The following SPATS2 variants were observed in gnomAD, a reference collection of about 807,000 sequenced individuals.
SPATS2 encodes the protein spermatogenesis associated serine rich 2.
In SPATS2, 38 loss-of-function variants were observed where a neutral mutation model predicts 63.7. That is an observed-to-expected ratio of 0.60 (90% CI 0.46 to 0.78). SPATS2 has a LOEUF of 0.78. SPATS2 is among the 30% of genes least tolerant of loss of function. The pLI, the probability that SPATS2 is intolerant of heterozygous loss-of-function variation, is 0.00. For missense variants in SPATS2, 588 were observed against 666.2 expected (o/e 0.88, Z 1.29); for synonymous variants, 207 against 232.9 (o/e 0.89, Z 1.01).
chr12:49,389,792 A>G, intron 2 of SPATS2: 2 of 1,138,252 alleles, frequency 1.8e-6, no homozygotes, highest in Non-Finnish European at 1.3e-6. Flanking sequence ...CCCTGGAAGA[A>G]CATCAGTCGG....
Position 49,526,092 on chromosome 12 carries a change from C to T in SPATS2, c.1475C>T (p.Pro492Leu). The change falls in exon 14 of 14, where the codon CCA (proline) becomes CTA (leucine). Residue 492 changes from proline (P) to leucine (L), a missense_variant. Pro to Leu is a moderately conservative substitution (Grantham distance 98). Coordinates refer to ENST00000552918, the MANE Select transcript of SPATS2 (RefSeq NM_023071.4). ...YSSGSRYQSA[P>L]SQAPGNTIER... ...TCTGGTTCCAGGTATCAGAGTGCTC[C>T]ATCTCAGGCACCAGGAAACACCATT... 6.2e-7 allele frequency: 1 copy of T among 1,614,220 alleles called. No homozygotes were observed. The highest frequency in any genetic ancestry group is 8.5e-7 in the Non-Finnish European group (1 of 1,180,042).
chr12:49,523,938 T>G (rs1311401773), intron 12 of SPATS2, among the ~76,000 whole-genome samples: 1 of 150,822 alleles, frequency 6.6e-6, no homozygotes, highest in Non-Finnish European at 1.5e-5. Flanking sequence ...GGTGACAGAG[T>G]GAGACTCCGG....
At chr12:49,471,038 T>C (rs1183637377) in intron 3 of SPATS2, among the ~76,000 whole-genome samples, 2 of 152,202 alleles carry the variant, frequency 1.3e-5, no homozygotes, top group African/African-American at 4.8e-5. Flanking sequence ...TTAAATTCCA[T>C]CTCTGTCACT....
rs372556256 is a variant in SPATS2 at position 49,393,692 on chromosome 12, A to G, written c.-244+22402A>G. On this transcript the variant is annotated intron_variant, in intron 2 of 13. Transcript: ENST00000552918. ...TTCTTATTGATGTTCATATTGTGTC[A>G]TCTTAGTTCAGTGGGAACCCATTTA... Among the ~76,000 whole-genome samples, 5 of 152,272 alleles carry G rather than the reference A, an allele frequency of 3.3e-5. No homozygotes were observed. In the East Asian group the frequency reaches 7.7e-4, roughly 23 times the overall value.
chr12:49,517,114 A>C (rs1946863814), intron 10 of SPATS2, among the ~76,000 whole-genome samples: 1 of 152,116 alleles, frequency 6.6e-6, no homozygotes, highest in South Asian at 2.1e-4. Flanking sequence ...CCATTTTGAG[A>C]GCTATAATTT....
rs145417647 is a variant in SPATS2 at position 49,444,633 on chromosome 12, C to T, written c.-243-16137C>T. ...TTTCTATTTTTTTGAGATGGAGTTT[C>T]GCTCTAGTTGTCCAGGCTGGAGTGC... On this transcript the variant is annotated intron_variant, in intron 2 of 13. Transcript: ENST00000552918. 2.6e-5 allele frequency among the ~76,000 whole-genome samples: 4 copies of T among 151,980 alleles called. 1 individual carries two copies. The highest frequency in any genetic ancestry group is 6.6e-5 in the Admixed American group (1 of 15,224).
Position 49,406,072 on chromosome 12 carries a change from T to C in SPATS2, c.-244+34782T>C, listed in dbSNP as rs372737641. Among the ~76,000 whole-genome samples the C allele has an allele frequency of 5.9e-5, 9 of 152,220 alleles. No individual in the cohort carries two copies. The South Asian group carries it at 1.0e-3, about 18-fold the overall frequency. ...TGAGGTCAGGAGTTCAAGACCAGCC[T>C]GGCCAACATGGTGAAACCCTGTCTA... On this transcript the variant is annotated intron_variant, in intron 2 of 13. Coordinates refer to ENST00000552918, the MANE Select transcript of SPATS2 (RefSeq NM_023071.4).
intron 3 of SPATS2, among the ~76,000 whole-genome samples, chr12:49,482,948 C>T (rs766405832): frequency 1.3e-5 from 2 of 151,598 alleles, no homozygotes; most frequent in African/African-American, 4.9e-5. Context: ...GCCACCATGC[C>T]CAGCTAATTT....
upstream of SPATS2, chr12:49,367,002 C>G (rs1943907493): frequency 6.6e-6 from 1 of 152,276 alleles, no homozygotes; most frequent in Admixed American, 6.5e-5. Context: ...ACCCTCTCCC[C>G]GAGTCTCTTC....
At chr12:49,431,986 C>A (rs1213914809) in intron 2 of SPATS2, among the ~76,000 whole-genome samples, 2 of 151,860 alleles carry the variant, frequency 1.3e-5, no homozygotes, top group South Asian at 2.1e-4. Context: ...AAAACAAGAC[C>A]TTGTCAAAAA....
intron 2 of SPATS2, among the ~76,000 whole-genome samples, chr12:49,388,980 C>T (rs1436634497): frequency 1.3e-5 from 2 of 152,128 alleles, no homozygotes; most frequent in Non-Finnish European, 2.9e-5. Flanking sequence ...AAGTGTGAGC[C>T]ATGGTGACCA....
intron 2 of SPATS2, among the ~76,000 whole-genome samples, chr12:49,372,049 TTTTA>T (rs1366740352): frequency 6.6e-6 from 1 of 151,994 alleles, no homozygotes; most frequent in African/African-American, 2.4e-5. Flanking sequence ...TACTTTTATT[TTTTA>T]TTTGTTTTTT....
At chr12:49,475,749 C>G (rs1946106432) in intron 3 of SPATS2, among the ~76,000 whole-genome samples, 1 of 152,112 alleles carries the variant, frequency 6.6e-6, no homozygotes, top group Non-Finnish European at 1.5e-5. Flanking sequence ...GCCTGGTAGA[C>G]TTCTTAAGAA....
chr12:49,516,269 A>G (rs1400763374), intron 10 of SPATS2, among the ~76,000 whole-genome samples: 17 of 139,188 alleles, frequency 1.2e-4, no homozygotes, highest in African/African-American at 4.4e-4. Flanking sequence ...CTGAGGTGGA[A>G]GGATCACTTG....
chr12:49,503,648 C>CAA (rs147728331), intron 9 of SPATS2, among the ~76,000 whole-genome samples: 3,207 of 139,228 alleles, frequency 0.023, 112 homozygotes, highest in African/African-American at 0.078. Flanking sequence ...GACTCCATCT[C>CAA]AAAAAAAAAA....
chr12:49,513,091 T>G (rs1946777871), intron 9 of SPATS2, among the ~76,000 whole-genome samples: 2 of 152,234 alleles, frequency 1.3e-5, no homozygotes, highest in Non-Finnish European at 2.9e-5. Flanking sequence ...ATTTGCTCCT[T>G]GAGGAAATGA....
chr12:49,445,589 G>C (rs1439495340), intron 2 of SPATS2, among the ~76,000 whole-genome samples: 2 of 151,880 alleles, frequency 1.3e-5, no homozygotes, highest in Admixed American at 6.6e-5. Context: ...GCGATCTTGG[G>C]TCACTGCAGC....
chr12:49,425,876 G>T (rs1945067408), intron 2 of SPATS2, among the ~76,000 whole-genome samples: 1 of 148,604 alleles, frequency 6.7e-6, no homozygotes, highest in South Asian at 2.1e-4. Flanking sequence ...CAAGCGATCT[G>T]CCTGCCTTGG....
chr12:49,499,230 G>A (rs1233084593), intron 8 of SPATS2, among the ~76,000 whole-genome samples: 1 of 152,066 alleles, frequency 6.6e-6, no homozygotes, highest in East Asian at 1.9e-4. Flanking sequence ...TTTTTTAGGT[G>A]GGACTAGAGC....
Sources: gnomAD v4.1 joint callset for allele counts (sites outside exome capture counted in the v4.1 genomes callset) on GRCh38, gnomAD v4.1.1 for gene constraint, MANE v1.5 for transcripts, NCBI Gene and HGNC (gene_info 2026-07-23, HGNC 2026-07-21) for gene names.